Variants in KRABD1 observed in about 807,000 individuals in gnomAD.
KRABD1 encodes the protein KRAB domain containing 1, also known as KRAB domain-containing protein 1.
the KRABD1 span, chr3:42,938,951 C>G: frequency 1.3e-6 from 2 of 1,524,354 alleles, no homozygotes. Flanking sequence ...TTTTTTCTAT[C>G]TCTGTACATA....
the KRABD1 span, chr3:42,941,148 C>T: frequency 2.8e-5 from 39 of 1,399,030 alleles, no homozygotes; most frequent in African/African-American, 5.1e-4. Context: ...TGTAGATGCC[C>T]TTCTCAGGTC....
chr3:42,937,072 A>T, the KRABD1 span: 1 of 152,196 alleles, frequency 6.6e-6, no homozygotes, highest in Non-Finnish European at 1.5e-5. Context: ...ATGTGTGTCC[A>T]GTGTTTAACA....
At chr3:42,938,822 C>T in the KRABD1 span, 9 of 1,064,502 alleles carry the variant, frequency 8.5e-6, no homozygotes, top group East Asian at 2.6e-5. Context: ...AAGTTATTAT[C>T]GTTAATGTTT....
At chr3:42,939,842 AT>A in the KRABD1 span, among the ~76,000 whole-genome samples, 1 of 151,672 alleles carries the variant, frequency 6.6e-6, no homozygotes, top group Non-Finnish European at 1.5e-5. Flanking sequence ...CTGTTCAGAT[AT>A]TTTTTCGTAT....
At chr3:42,936,943 A>C in the KRABD1 span, 45 of 152,240 alleles carry the variant, frequency 3.0e-4, no homozygotes, top group African/African-American at 1.1e-3. Context: ...AGAATACCGA[A>C]TTGTATTCCC....
chr3:42,939,725 C>T, the KRABD1 span, among the ~76,000 whole-genome samples: 560 of 152,178 alleles, frequency 3.7e-3, 2 homozygotes, highest in Non-Finnish European at 5.1e-3. Flanking sequence ...TGTTGTCACT[C>T]GTTTGCAGTA....
At chr3:42,939,214 C>T in the KRABD1 span, among the ~76,000 whole-genome samples, 1 of 152,150 alleles carries the variant, frequency 6.6e-6, no homozygotes. Flanking sequence ...CTTCATACTG[C>T]CTCCCAAGCA....
the KRABD1 span, chr3:42,937,212 G>A: frequency 6.6e-6 from 1 of 152,148 alleles, no homozygotes; most frequent in Non-Finnish European, 1.5e-5. Flanking sequence ...AAGGTTCATA[G>A]GATAACATTC....
At chr3:42,938,437 T>G in the KRABD1 span, 1 of 153,628 alleles carries the variant, frequency 6.5e-6, no homozygotes, top group African/African-American at 2.4e-5. Flanking sequence ...GTTTAATGGA[T>G]TTCTTTTATA....
chr3:42,936,691 A>G, the KRABD1 span: 1 of 152,302 alleles, frequency 6.6e-6, no homozygotes, highest in Non-Finnish European at 1.5e-5. Flanking sequence ...TTAACTTCGA[A>G]GCCCACAAAA....
the KRABD1 span, chr3:42,936,395 G>A: frequency 6.6e-6 from 1 of 152,156 alleles, no homozygotes; most frequent in Non-Finnish European, 1.5e-5. Flanking sequence ...TGTGAGGATC[G>A]GCGAGTGGCG....
chr3:42,937,598 A>G, the KRABD1 span: 1 of 152,242 alleles, frequency 6.6e-6, no homozygotes, highest in African/African-American at 2.4e-5. Flanking sequence ...CCTTTCTTGG[A>G]CAGAAACCAT....
the KRABD1 span, chr3:42,942,410 T>A: frequency 2.3e-6 from 1 of 432,456 alleles, no homozygotes. Context: ...TCTTGTTCAC[T>A]GACCAACAGA....
chr3:42,938,578 C>T, the KRABD1 span: 2 of 255,122 alleles, frequency 7.8e-6, no homozygotes, highest in Non-Finnish European at 1.6e-5. Flanking sequence ...CCTTAGTTTC[C>T]TTTTCTGTTT....
At chr3:42,941,426 C>T in the KRABD1 span, 4 of 1,424,054 alleles carry the variant, frequency 2.8e-6, no homozygotes, top group East Asian at 2.5e-5. Flanking sequence ...TTAGCTGACC[C>T]CAAATAGCGA....
At chr3:42,939,755 ATCT>A in the KRABD1 span, among the ~76,000 whole-genome samples, 1 of 152,122 alleles carries the variant, frequency 6.6e-6, no homozygotes, top group South Asian at 2.1e-4. Flanking sequence ...GGTTTAAAAA[ATCT>A]TCTCATCTCT....
At chr3:42,936,440 C>G in the KRABD1 span, 1 of 152,246 alleles carries the variant, frequency 6.6e-6, no homozygotes, top group Non-Finnish European at 1.5e-5. Flanking sequence ...GCTGCAGAGG[C>G]CGCCAGGAGC....
chr3:42,941,833 C>T, the KRABD1 span: 2 of 659,300 alleles, frequency 3.0e-6, no homozygotes, highest in Non-Finnish European at 5.4e-6. Context: ...TTTAGGGTAC[C>T]TCTCGTATAG....
the KRABD1 span, chr3:42,938,803 T>C: frequency 1.9e-5 from 16 of 855,240 alleles, no homozygotes; most frequent in Non-Finnish European, 2.7e-5. Context: ...GTAGGACTTA[T>C]GGTCAATAAA....
Sources: allele counts gnomAD v4.1 joint callset (sites outside exome capture counted in the v4.1 genomes callset), GRCh38; gene constraint gnomAD v4.1.1; transcripts MANE v1.5; gene names NCBI Gene and HGNC (gene_info 2026-07-23, HGNC 2026-07-21).